LRRFIP2: variants seen among roughly 807,000 people sequenced by gnomAD.
The protein encoded by LRRFIP2 is leucine-rich repeat flightless-interacting protein 2.
A neutral mutation model predicts 125.9 loss-of-function variants in LRRFIP2; 109 were observed. That is an observed-to-expected ratio of 0.87 (90% CI 0.74 to 1.01). The LOEUF is 1.01. Ranked by LOEUF, LRRFIP2 falls within the 50% of genes least tolerant of loss-of-function variation. LRRFIP2 has a pLI of 0.00. For missense variants in LRRFIP2, 850 were observed against 862.3 expected (o/e 0.99, Z 0.18); for synonymous variants, 291 against 293.1 (o/e 0.99, Z 0.07).
At chr3:37,143,592 C>T in intron 2 of LRRFIP2, 2 of 235,298 alleles carry the variant, frequency 8.5e-6, no homozygotes, top group East Asian at 1.2e-4. Context: ...TTCAGTGGAT[C>T]GTCAAAATTC....
intron 1 of LRRFIP2, among the ~76,000 whole-genome samples, chr3:37,171,985 C>G (rs2150431267): frequency 6.6e-6 from 1 of 152,134 alleles, no homozygotes; most frequent in Non-Finnish European, 1.5e-5. Context: ...TTTTTAAGTA[C>G]CTTATAAAAT....
intron 2 of LRRFIP2, among the ~76,000 whole-genome samples, chr3:37,141,587 A>T (rs1004011935): frequency 6.6e-6 from 1 of 152,230 alleles, no homozygotes; most frequent in African/African-American, 2.4e-5. Flanking sequence ...TCAAATGTTT[A>T]AAAGCTGGAG....
chr3:37,141,910 A>C (rs2095711984), intron 2 of LRRFIP2, among the ~76,000 whole-genome samples: 1 of 152,138 alleles, frequency 6.6e-6, no homozygotes, highest in Admixed American at 6.5e-5. Context: ...AGCTCCAGCC[A>C]GTTTCCTCTG....
At chr3:37,105,597 G>A (rs1286225675) in intron 13 of LRRFIP2, 74 bp from the exon 14 acceptor site, 6 of 1,112,916 alleles carry the variant, frequency 5.4e-6, no homozygotes, top group Non-Finnish European at 6.8e-6. Flanking sequence ...AGTACATTAA[G>A]GAAGGTTTTG....
chr3:37,163,218 C>G (rs180965715), intron 1 of LRRFIP2, among the ~76,000 whole-genome samples: 1 of 152,282 alleles, frequency 6.6e-6, no homozygotes, highest in Admixed American at 6.5e-5. Flanking sequence ...TGTACCTTTC[C>G]TTTCACAGCC....
intron 4 of LRRFIP2, among the ~76,000 whole-genome samples, chr3:37,122,087 A>G (rs2095076848): frequency 1.9e-5 from 2 of 108,076 alleles, no homozygotes; most frequent in Admixed American, 1.2e-4. Context: ...CCCCACAACA[A>G]GCCCTATGTG....
chr3:37,134,374 C>T (rs371662658), intron 2 of LRRFIP2, among the ~76,000 whole-genome samples: 3 of 152,188 alleles, frequency 2.0e-5, no homozygotes, highest in Non-Finnish European at 4.4e-5. Context: ...TGCTCCAGTT[C>T]GAGCCGGTAC....
intron 9 of LRRFIP2, 27 bp from the exon 10 acceptor site, chr3:37,109,730 G>GCAAAAA: frequency 1.2e-6 from 2 of 1,606,906 alleles, no homozygotes; most frequent in East Asian, 4.5e-5. Flanking sequence ...AAATAAATAA[G>GCAAAAA]CAAAAACAAA....
At chr3:37,059,960 C>T (rs1311318245) in intron 24 of LRRFIP2, among the ~76,000 whole-genome samples, 5 of 152,124 alleles carry the variant, frequency 3.3e-5, no homozygotes, top group Admixed American at 3.3e-4. Context: ...ACTTCCCAGG[C>T]ACCTCTGCCC....
At chr3:37,122,041 T>C (rs1192282237) in intron 4 of LRRFIP2, among the ~76,000 whole-genome samples, 1 of 151,134 alleles carries the variant, frequency 6.6e-6, no homozygotes, top group Non-Finnish European at 1.5e-5. Flanking sequence ...TTACATTAGG[T>C]ATATCTCCTA....
chr3:37,150,932 T>G (rs2150062463), intron 1 of LRRFIP2, among the ~76,000 whole-genome samples: 1 of 152,306 alleles, frequency 6.6e-6, no homozygotes, highest in Middle Eastern at 3.4e-3. Flanking sequence ...ATTCCCAACT[T>G]ATCTGACACC....
At chr3:37,165,851 AAGAAAGAG>A (rs1560167374) in intron 1 of LRRFIP2, among the ~76,000 whole-genome samples, 2 of 144,678 alleles carry the variant, frequency 1.4e-5, no homozygotes, top group Admixed American at 6.9e-5. Context: ...GAAAGAAAGA[AAGAAAGAG>A]AAAGAAAGAA....
At chr3:37,072,450 C>A (rs1431721782) in intron 21 of LRRFIP2, among the ~76,000 whole-genome samples, 2 of 140,294 alleles carry the variant, frequency 1.4e-5, no homozygotes, top group Non-Finnish European at 3.0e-5. Flanking sequence ...TGTAGTGAGC[C>A]GAGATCATGC....
intron 2 of LRRFIP2, among the ~76,000 whole-genome samples, chr3:37,130,393 A>C (rs2095396985): frequency 6.6e-6 from 1 of 152,164 alleles, no homozygotes; most frequent in Non-Finnish European, 1.5e-5. Context: ...CCAACTCCTT[A>C]TTACTTATGG....
intron 4 of LRRFIP2, among the ~76,000 whole-genome samples, chr3:37,126,698 A>C (rs1174274093): frequency 6.6e-6 from 1 of 151,890 alleles, no homozygotes; most frequent in Non-Finnish European, 1.5e-5. Flanking sequence ...GTCTCCACTA[A>C]AAATACAAAA....
chr3:37,102,902 C>CCA (rs1480878068), intron 15 of LRRFIP2, 22 bp downstream of exon 15: 6 of 1,504,262 alleles, frequency 4.0e-6, no homozygotes, highest in African/African-American at 1.4e-5. Flanking sequence ...ACATAACCAA[C>CCA]CACCCCATGC....
At chr3:37,072,608 G>C (rs1280183603) in intron 21 of LRRFIP2, among the ~76,000 whole-genome samples, 182 bp downstream of exon 21, 1 of 150,786 alleles carries the variant, frequency 6.6e-6, no homozygotes, top group Non-Finnish European at 1.5e-5. Context: ...CTGAAAAGAA[G>C]AGTTCTTCCA....
At chr3:37,055,539 CTGGCAACAGAGCG>C (rs1245912197) in intron 25 of LRRFIP2, among the ~76,000 whole-genome samples, 4 of 152,172 alleles carry the variant, frequency 2.6e-5, no homozygotes, top group Admixed American at 2.6e-4. Context: ...GCACTCCAGC[CTGGCAACAGAGCG>C]ATACTCCGTC....
chr3:37,150,960 G>C (rs1020689866), intron 1 of LRRFIP2, among the ~76,000 whole-genome samples: 8 of 152,156 alleles, frequency 5.3e-5, no homozygotes, highest in African/African-American at 1.9e-4. Flanking sequence ...ATTCATCAGA[G>C]CTAGCTTGTT....
Sources: gnomAD v4.1 joint callset for allele counts (sites outside exome capture counted in the v4.1 genomes callset) on GRCh38, gnomAD v4.1.1 for gene constraint, MANE v1.5 for transcripts, NCBI Gene and HGNC (gene_info 2026-07-23, HGNC 2026-07-21) for gene names.